The following KIAA1328 variants were observed in gnomAD, a reference collection of about 807,000 sequenced individuals.
KIAA1328 encodes KIAA1328, also known as protein hinderin.
Under a neutral mutation model 68.1 loss-of-function variants are expected in KIAA1328, and 52 were observed. That is an observed-to-expected ratio of 0.76 (90% CI 0.61 to 0.96). The LOEUF is 0.96. KIAA1328 is among the 40% of genes least tolerant of loss of function. The pLI is 0.00. For synonymous variants in KIAA1328, 232 were observed against 239.4 expected (o/e 0.97, Z 0.28); for missense variants, 641 against 677.6 (o/e 0.95, Z 0.60).
At chr18:37,184,351 T>C (rs1285493299) in intron 9 of KIAA1328, among the ~76,000 whole-genome samples, 1 of 152,092 alleles carries the variant, frequency 6.6e-6, no homozygotes, top group African/African-American at 2.4e-5. Context: ...GATTCCCGAG[T>C]GTGAGCAGTG....
intron 6 of KIAA1328, among the ~76,000 whole-genome samples, chr18:37,043,522 T>C (rs949090081): frequency 6.6e-6 from 1 of 152,178 alleles, no homozygotes; most frequent in Middle Eastern, 3.2e-3. Flanking sequence ...CTCTTAAGCC[T>C]AGCTTCATAG....
At chr18:37,068,107 C>T (rs921272960) in intron 7 of KIAA1328, among the ~76,000 whole-genome samples, 1 of 152,086 alleles carries the variant, frequency 6.6e-6, no homozygotes, top group Non-Finnish European at 1.5e-5. Context: ...TGCTGGGTTC[C>T]AAAGACATTT....
chr18:37,070,906 A>G (rs1193273276), intron 7 of KIAA1328, among the ~76,000 whole-genome samples: 2 of 151,926 alleles, frequency 1.3e-5, no homozygotes, highest in African/African-American at 4.8e-5. Flanking sequence ...AAGGTTTTCA[A>G]GATGTGTGTT....
intron 9 of KIAA1328, among the ~76,000 whole-genome samples, chr18:37,202,698 A>G (rs947454502): frequency 1.3e-5 from 2 of 152,214 alleles, no homozygotes; most frequent in Admixed American, 6.5e-5. Flanking sequence ...ATACCAAGAC[A>G]TATCAGAATT....
At chr18:37,040,745 T>A (rs2055213161) in intron 6 of KIAA1328, among the ~76,000 whole-genome samples, 1 of 151,816 alleles carries the variant, frequency 6.6e-6, no homozygotes, top group Admixed American at 6.6e-5. Flanking sequence ...AATTTTGGTA[T>A]TCATTGTTTT....
chr18:37,204,056 C>T (rs1001465476), intron 9 of KIAA1328, among the ~76,000 whole-genome samples: 5 of 152,112 alleles, frequency 3.3e-5, no homozygotes, highest in Admixed American at 6.5e-5. Flanking sequence ...GTGATCTGCC[C>T]GCCTCGGCCT....
chr18:36,950,735 C>T (rs1044463653), intron 5 of KIAA1328, among the ~76,000 whole-genome samples: 1 of 152,120 alleles, frequency 6.6e-6, no homozygotes, highest in African/African-American at 2.4e-5. Context: ...GAAGTACCTG[C>T]CATAGTGAAA....
intron 5 of KIAA1328, chr18:36,895,821 G>A (rs1445743250): frequency 1.1e-5 from 5 of 455,364 alleles, no homozygotes; most frequent in African/African-American, 1.0e-4. Flanking sequence ...TCCAATGACT[G>A]TTGTCCTAGA....
chr18:37,012,379 T>A (rs2054008396), intron 6 of KIAA1328, among the ~76,000 whole-genome samples: 1 of 152,182 alleles, frequency 6.6e-6, no homozygotes, highest in Admixed American at 6.5e-5. Context: ...AAAACTAAAA[T>A]GTATTCCCTG....
chr18:37,078,033 C>A (rs1467781579), intron 7 of KIAA1328, among the ~76,000 whole-genome samples: 8 of 152,232 alleles, frequency 5.3e-5, no homozygotes, highest in African/African-American at 1.9e-4. Flanking sequence ...CAGTCCTAAG[C>A]CAAAAGAACA....
chr18:36,844,588 A>G (rs1048677899), intron 4 of KIAA1328, among the ~76,000 whole-genome samples: 1 of 152,022 alleles, frequency 6.6e-6, no homozygotes, highest in Admixed American at 6.6e-5. Context: ...TTTAGAAACT[A>G]CTGTTGAAGT....
chr18:36,901,626 G>A (rs1428883625), intron 5 of KIAA1328, among the ~76,000 whole-genome samples: 7 of 151,930 alleles, frequency 4.6e-5, no homozygotes, highest in Non-Finnish European at 1.0e-4. Flanking sequence ...GACAGCTCAG[G>A]GCGGCATTTT....
intron 7 of KIAA1328, among the ~76,000 whole-genome samples, chr18:37,076,076 G>T (rs958494076): frequency 6.6e-6 from 1 of 152,014 alleles, no homozygotes; most frequent in African/African-American, 2.4e-5. Context: ...TGACCACATA[G>T]TTGGAAGTAA....
chr18:36,851,723 A>G (rs948578295), intron 4 of KIAA1328, among the ~76,000 whole-genome samples: 27 of 151,788 alleles, frequency 1.8e-4, no homozygotes, highest in African/African-American at 5.6e-4. Context: ...AAATTTGTCA[A>G]TTTTGTTGAT....
chr18:37,166,448 T>A (rs2059391285), intron 8 of KIAA1328, among the ~76,000 whole-genome samples: 1 of 152,194 alleles, frequency 6.6e-6, no homozygotes, highest in Admixed American at 6.5e-5. Flanking sequence ...TGATTTTTTT[T>A]AAGCTCATCA....
chr18:36,981,682 G>A (rs1423173384), intron 6 of KIAA1328, among the ~76,000 whole-genome samples: 2 of 151,954 alleles, frequency 1.3e-5, no homozygotes, highest in Non-Finnish European at 2.9e-5. Context: ...TTTCTCCTAG[G>A]CTCAAAGGAT....
chr18:37,133,565 G>A (rs866164525), intron 7 of KIAA1328, among the ~76,000 whole-genome samples: 34 of 137,070 alleles, frequency 2.5e-4, no homozygotes, highest in African/African-American at 8.2e-4. Flanking sequence ...TCGCTCTGTC[G>A]CCCAGGCTGG....
intron 5 of KIAA1328, among the ~76,000 whole-genome samples, chr18:36,897,158 A>G (rs533891062): frequency 1.3e-5 from 2 of 152,208 alleles, no homozygotes; most frequent in African/African-American, 2.4e-5. Flanking sequence ...GGTAAGGATT[A>G]TCATCTTCCC....
chr18:37,063,779 A>T (rs2056242248), intron 6 of KIAA1328: 1 of 527,500 alleles, frequency 1.9e-6, no homozygotes. Flanking sequence ...CACAGTTAGT[A>T]CCATTAAAGT....
Sources: gnomAD v4.1 joint callset for allele counts (sites outside exome capture counted in the v4.1 genomes callset) on GRCh38, gnomAD v4.1.1 for gene constraint, MANE v1.5 for transcripts, NCBI Gene and HGNC (gene_info 2026-07-23, HGNC 2026-07-21) for gene names.